AKAP12: variants seen among roughly 807,000 people sequenced by gnomAD.
The protein encoded by AKAP12 is A-kinase anchoring protein 12, also known as A-kinase anchor protein 12.
In AKAP12, 32 loss-of-function variants were observed where a neutral mutation model predicts 79.9. The ratio of observed to expected loss-of-function variants is 0.40; its 90% CI spans 0.30 to 0.54. The LOEUF (loss-of-function observed/expected upper bound fraction) is 0.54. Among genes scored for constraint, AKAP12 ranks in the 20% least tolerant of loss-of-function variants. The pLI is 0.48. For missense variants in AKAP12, 2,074 were observed against 2,177.0 expected (o/e 0.95, Z 0.94); for synonymous variants, 808 against 857.0 (o/e 0.94, Z 1.00).
At chr6:151,241,614 G>C (rs952729155) in intron 2 of AKAP12, among the ~76,000 whole-genome samples, 1 of 152,150 alleles carries the variant, frequency 6.6e-6, no homozygotes, top group Admixed American at 6.5e-5. Context: ...GCTTGTTCTG[G>C]TCGTGGTATT....
intron 3 of AKAP12, chr6:151,348,441 G>T: frequency 1.8e-6 from 1 of 550,882 alleles, no homozygotes. Context: ...CAGTTGGAGA[G>T]CAGCCTGGAC....
At chr6:151,319,730 C>G (rs116197453) in intron 3 of AKAP12, 3 of 159,170 alleles carry the variant, frequency 1.9e-5, no homozygotes, top group African/African-American at 7.3e-5. Context: ...CCCTTCCTCC[C>G]TCACCACTCC....
intron 2 of AKAP12, among the ~76,000 whole-genome samples, chr6:151,269,913 A>C (rs1397398386): frequency 1.3e-5 from 2 of 152,182 alleles, no homozygotes; most frequent in Non-Finnish European, 2.9e-5. Context: ...CCACAGAGCC[A>C]AATCTGTCTC....
chr6:151,320,517 C>CT (rs1295510005), intron 3 of AKAP12, among the ~76,000 whole-genome samples: 2 of 152,118 alleles, frequency 1.3e-5, no homozygotes, highest in Non-Finnish European at 2.9e-5. Flanking sequence ...CTCATTGCCC[C>CT]TAATCCCTGT....
At chr6:151,320,056 T>G (rs1434907708) in intron 3 of AKAP12, 1 of 152,220 alleles carries the variant, frequency 6.6e-6, no homozygotes, top group Non-Finnish European at 1.5e-5. Context: ...AAGTCCATTC[T>G]TCCATTCCGT....
At chr6:151,332,016 C>T (rs1049252149) in intron 3 of AKAP12, among the ~76,000 whole-genome samples, 1 of 144,604 alleles carries the variant, frequency 6.9e-6, no homozygotes, top group South Asian at 2.3e-4. Context: ...CTGAGTAGCA[C>T]GTCCAGTTCT....
chr6:151,286,888 G>A (rs1776515296), intron 2 of AKAP12, among the ~76,000 whole-genome samples: 1 of 152,114 alleles, frequency 6.6e-6, no homozygotes, highest in African/African-American at 2.4e-5. Context: ...ACTTGACCAA[G>A]GTCCCACAGT....
rs564209772 is a variant in AKAP12, at chr6:151,268,835, G to C, written c.162+28111G>C. Among the ~76,000 whole-genome samples the C allele has an allele frequency of 2.6e-5, 4 of 151,696 alleles. No homozygotes were observed. The East Asian group carries it at 7.8e-4, about 29-fold the overall frequency. On this transcript the variant is annotated intron_variant, in intron 2 of 4. Coordinates refer to ENST00000402676, the MANE Select transcript of AKAP12 (RefSeq NM_005100.4). ...ATTTTTGTATTTTTTGTAGAGACGG[G>C]GTTTCACCATGATGGCCAGGCTGAT...
At chr6:151,254,993 G>A (rs919376622) in intron 2 of AKAP12, among the ~76,000 whole-genome samples, 36 of 152,010 alleles carry the variant, frequency 2.4e-4, no homozygotes, top group African/African-American at 7.7e-4. Flanking sequence ...CTTGTTCTTC[G>A]CCCAGAATGC....
intron 2 of AKAP12, among the ~76,000 whole-genome samples, chr6:151,262,653 T>C (rs1797461070): frequency 6.6e-6 from 1 of 152,162 alleles, no homozygotes; most frequent in Non-Finnish European, 1.5e-5. Flanking sequence ...GGCATTTTCA[T>C]TTTTAGCAAG....
At chr6:151,261,523 A>G (rs1797433819) in intron 2 of AKAP12, among the ~76,000 whole-genome samples, 1 of 151,770 alleles carries the variant, frequency 6.6e-6, no homozygotes, top group Non-Finnish European at 1.5e-5. Flanking sequence ...TCTCTAAAAA[A>G]TACAAACCCC....
chr6:151,352,083 A>T lies in AKAP12; in HGVS notation c.3692A>T (p.Glu1231Val). 1 of 1,614,180 alleles carries T rather than the reference A, an allele frequency of 6.2e-7. No individual in the cohort carries two copies. Among genetic ancestry groups the T allele is most frequent in the Non-Finnish European group, 8.5e-7 (1 of 1,180,034 alleles). Residue 1231 changes from glutamate (E) to valine (V), a missense_variant, in exon 4 of 5, where the codon GAA becomes GTA. Glu to Val is a moderately radical substitution (Grantham distance 121, BLOSUM62 -2). This residue lies in a region of AKAP12 where 614 missense variants were observed against 665.6 expected (regional missense o/e 0.92). Transcript: ENST00000402676. ...PPAPSSFVFQ[E>V]ETKEQSKMED... ...GCACCTTCCAGTTTTGTGTTCCAGG[A>T]AGAAACTAAAGAACAATCAAAGATG...
intron 2 of AKAP12, among the ~76,000 whole-genome samples, chr6:151,264,086 G>C (rs1797496239): frequency 1.3e-5 from 2 of 152,066 alleles, no homozygotes; most frequent in Admixed American, 1.3e-4. Flanking sequence ...ACTGTTTCAT[G>C]AGGAAAGCTA....
rs565709335 is a variant in AKAP12 at position 151,249,058 on chromosome 6, C to T, written c.162+8334C>T. 3.3e-5 allele frequency among the ~76,000 whole-genome samples: 5 copies of T among 152,194 alleles called. 1 individual carries two copies. The South Asian group carries it at 1.0e-3, about 32-fold the overall frequency. The stretch of plus-strand genomic sequence containing the variant: ...GTGCCATTCAAGGTAAGTAGGTGTT[C>T]AGTGAAATGCCCGTATCCCTACTGA... On this transcript the variant is annotated intron_variant, in intron 2 of 4. Coordinates refer to ENST00000402676, the MANE Select transcript of AKAP12 (RefSeq NM_005100.4).
chr6:151,293,564 G>A (rs1474480638), intron 2 of AKAP12, among the ~76,000 whole-genome samples: 1 of 152,174 alleles, frequency 6.6e-6, no homozygotes, highest in African/African-American at 2.4e-5. Context: ...AGACATTCAC[G>A]ATGCAGGTCA....
At chr6:151,343,827 T>C in intron 3 of AKAP12, 2 of 367,388 alleles carry the variant, frequency 5.4e-6, no homozygotes, top group Non-Finnish European at 1.0e-5. Context: ...GGAAATACAC[T>C]TAAGGAAGCC....
chr6:151,348,898 TATTGGATTTAAGAA>T lies in AKAP12; in HGVS notation c.508_521del (p.Ile170GlyfsTer3). On this transcript the variant is annotated frameshift_variant, in exon 4 of 5. Coordinates refer to ENST00000402676, the MANE Select transcript of AKAP12 (RefSeq NM_005100.4). LOFTEE classifies it high-confidence loss of function. ...AACCCACTGAGTCCCAGGCTAATGA[TATTGGATTTAAGAA>T]GGTGTTTAAGTTTGTTGGCTTTAAA... The T allele has an allele frequency of 6.2e-7, 1 of 1,614,038 alleles. No individual in the cohort carries two copies.
At chr6:151,283,120 T>C (rs1330851234) in intron 2 of AKAP12, among the ~76,000 whole-genome samples, 3 of 151,996 alleles carry the variant, frequency 2.0e-5, no homozygotes, top group Non-Finnish European at 4.4e-5. Context: ...TTAATGACGG[T>C]GAGGAGGCAC....
intron 2 of AKAP12, among the ~76,000 whole-genome samples, chr6:151,243,769 A>G (rs1222795702): frequency 1.3e-5 from 2 of 152,170 alleles, no homozygotes; most frequent in East Asian, 1.9e-4. Flanking sequence ...TCACAACTGC[A>G]GGGTGCGGGA....
Sources: allele counts gnomAD v4.1 joint callset (sites outside exome capture counted in the v4.1 genomes callset), GRCh38; gene constraint gnomAD v4.1.1; regional missense constraint gnomAD v4.1.1; transcripts MANE v1.5; gene names NCBI Gene and HGNC (gene_info 2026-07-23, HGNC 2026-07-21).